Variants in WDR26 observed in about 807,000 individuals in gnomAD.
WDR26 encodes the protein WD repeat domain 26.
A neutral mutation model predicts 84.1 loss-of-function variants in WDR26; 5 were observed. That is an observed-to-expected ratio of 0.06 (90% CI 0.03 to 0.13). The LOEUF is 0.13. WDR26 is among the 10% of genes least tolerant of loss of function. The probability of loss-of-function intolerance (pLI) is 1.00; values close to 1 mark genes in which losing one functional copy is unlikely to be tolerated. For synonymous variants in WDR26, 415 were observed against 389.6 expected (o/e 1.07, Z -0.77); for missense variants, 642 against 974.9 (o/e 0.66, Z 4.55).
At chr1:224,431,239 G>A in intron 3 of WDR26, 1 of 409,182 alleles carries the variant, frequency 2.4e-6, no homozygotes. Context: ...AGCATGAAGA[G>A]CTTTCAATAT....
intron 12 of WDR26, among the ~76,000 whole-genome samples, chr1:224,395,603 T>C (rs879654395): frequency 1.7e-5 from 2 of 120,328 alleles, no homozygotes; most frequent in Non-Finnish European, 3.3e-5. Flanking sequence ...GAAATGAAAT[T>C]AGGAAAAAAA....
chr1:224,422,130 G>A (rs1037981632), intron 4 of WDR26, among the ~76,000 whole-genome samples: 2 of 152,200 alleles, frequency 1.3e-5, no homozygotes, highest in Admixed American at 6.5e-5. Context: ...TGGGCTGGGA[G>A]CTGAGCAAGG....
chr1:224,413,786 T>C (rs528468351), intron 6 of WDR26, among the ~76,000 whole-genome samples: 1 of 152,226 alleles, frequency 6.6e-6, no homozygotes, highest in South Asian at 2.1e-4. Context: ...GTATCAGAAA[T>C]AGTTTTTTCC....
At chr1:224,398,025 T>C (rs1471099211) in intron 12 of WDR26, 72 bp downstream of exon 12, 3 of 1,560,834 alleles carry the variant, frequency 1.9e-6, no homozygotes, top group African/African-American at 1.4e-5. Context: ...CTTGGAGACA[T>C]GACTGCCTTC....
At chr1:224,411,335 T>C (rs1673730821) in intron 7 of WDR26, 92 bp downstream of exon 7, 1 of 1,344,144 alleles carries the variant, frequency 7.4e-7, no homozygotes, top group South Asian at 1.8e-5. Flanking sequence ...AAGAATACTA[T>C]TGATACATAT....
chr1:224,393,720 T>C, intron 13 of WDR26, 108 bp downstream of exon 13: 2 of 937,672 alleles, frequency 2.1e-6, no homozygotes, highest in Non-Finnish European at 3.0e-6. Context: ...AAGAGAGAAA[T>C]CATATACCAC....
intron 13 of WDR26, among the ~76,000 whole-genome samples, chr1:224,390,749 G>A (rs1321382231): frequency 3.3e-5 from 5 of 151,482 alleles, no homozygotes; most frequent in Non-Finnish European, 7.4e-5. Flanking sequence ...CAGCCTGGGC[G>A]ACAGAGTGAG....
chr1:224,429,404 G>A (rs1674322341), intron 3 of WDR26: 1 of 151,970 alleles, frequency 6.6e-6, no homozygotes, highest in African/African-American at 2.4e-5. Flanking sequence ...AATGTGTCTG[G>A]GTATACAATT....
At chr1:224,417,286 G>A (rs1673932824) in intron 6 of WDR26, among the ~76,000 whole-genome samples, 1 of 152,170 alleles carries the variant, frequency 6.6e-6, no homozygotes, top group South Asian at 2.1e-4. Context: ...ACTGGTAAAA[G>A]CAACTGAGCA....
intron 12 of WDR26, 120 bp from the exon 13 acceptor site, chr1:224,394,133 C>G: frequency 1.4e-6 from 1 of 689,778 alleles, no homozygotes; most frequent in Non-Finnish European, 2.1e-6. Context: ...AATAAATATA[C>G]CATGAATAGT....
At chr1:224,424,049 C>T (rs899948539) in intron 4 of WDR26, among the ~76,000 whole-genome samples, 4 of 94,344 alleles carry the variant, frequency 4.2e-5, no homozygotes, top group East Asian at 2.6e-3. Flanking sequence ...TGTCTCTACC[C>T]TTCACCCCCC....
rs1673997065 is a variant in WDR26, at chr1:224,419,545, G to T, written c.1135C>A (p.Arg379=). The T allele has an allele frequency of 6.2e-7, 1 of 1,613,896 alleles. No individual in the cohort carries two copies. The highest frequency in any genetic ancestry group is 1.1e-5 in the South Asian group (1 of 91,072). ...TGAAGTTTATCCAATAGTTTAGATCGGGAAGCTGTCCCTTTGCCTTCCCAT... is the reference window on the plus strand; with the variant it reads ...TGAAGTTTATCCAATAGTTTAGATCTGGAAGCTGTCCCTTTGCCTTCCCAT... Residue 379 remains arginine, a synonymous_variant, in exon 5 of 14, where the codon CGA becomes AGA. Transcript: ENST00000414423.
At chr1:224,424,164 C>T (rs973985511) in intron 4 of WDR26, among the ~76,000 whole-genome samples, 1 of 152,162 alleles carries the variant, frequency 6.6e-6, no homozygotes, top group Admixed American at 6.5e-5. Context: ...AGTTAGTGTG[C>T]ACCAATACTG....
In WDR26 at chr1:224,400,998, A is replaced by G. The variant is rs1673397686; in HGVS notation, c.1671T>C (p.Asp557=). Residue 557 remains aspartate (D), a synonymous_variant, in exon 9 of 14, where the codon GAT becomes GAC. Coordinates refer to ENST00000414423, the MANE Select transcript of WDR26 (RefSeq NM_001379403.1). ...GACCTCCAGTCACAAAGCGCTTCCC[A>G]TCTGGATTCCAAGCCACACTTGTCA... 1 of 1,614,142 alleles carries G rather than the reference A, an allele frequency of 6.2e-7. No homozygotes were observed. Among genetic ancestry groups the G allele is most frequent in the Non-Finnish European group, 8.5e-7 (1 of 1,180,004 alleles).
intron 6 of WDR26, among the ~76,000 whole-genome samples, chr1:224,416,829 T>C (rs887368683): frequency 2.0e-5 from 3 of 152,214 alleles, no homozygotes; most frequent in African/African-American, 4.8e-5. Context: ...CGAATGGAGC[T>C]ATGAACCATG....
chr1:224,397,389 A>G (rs1188565266), intron 12 of WDR26, among the ~76,000 whole-genome samples: 1 of 152,244 alleles, frequency 6.6e-6, no homozygotes, highest in Non-Finnish European at 1.5e-5. Flanking sequence ...ATAATTTGCC[A>G]CTAGTTAAGT....
intron 4 of WDR26, among the ~76,000 whole-genome samples, chr1:224,420,898 A>G (rs1161828076): frequency 6.6e-6 from 1 of 152,172 alleles, no homozygotes; most frequent in Non-Finnish European, 1.5e-5. Flanking sequence ...GTGCCCAGCC[A>G]GAAGTTGGCC....
In WDR26 at chr1:224,389,746, A is replaced by G; in HGVS notation, c.*89T>C. 1.6e-6 allele frequency: 2 copies of G among 1,274,972 alleles called. No individual in the cohort carries two copies. Among genetic ancestry groups the G allele is most frequent in the South Asian group, 1.2e-5 (1 of 83,350 alleles). The allele number at this position is 1,274,972 out of a possible 1,614,324, so 79.0% of individuals were successfully genotyped here. ...TCATGACGAGCATGTCTGTCCAGCT[A>G]TCAATCATGTTTGTTTGCACCAAAT... On this transcript the variant is annotated 3_prime_UTR_variant, in exon 14 of 14. Coordinates refer to ENST00000414423, the MANE Select transcript of WDR26 (RefSeq NM_001379403.1).
intron 1 of WDR26, among the ~76,000 whole-genome samples, chr1:224,433,118 TCAA>T (rs1674448802): frequency 6.6e-6 from 1 of 152,294 alleles, no homozygotes; most frequent in East Asian, 1.9e-4. Flanking sequence ...TCAGATTTAT[TCAA>T]CAACCTCTTT....
Sources: allele counts gnomAD v4.1 joint callset (sites outside exome capture counted in the v4.1 genomes callset), GRCh38; gene constraint gnomAD v4.1.1; transcripts MANE v1.5; gene names NCBI Gene and HGNC (gene_info 2026-07-23, HGNC 2026-07-21).